The following PCDH15 variants were observed in gnomAD, a reference collection of about 807,000 sequenced individuals.
PCDH15 encodes the protein protocadherin related 15, also known as protocadherin-15.
A neutral mutation model predicts 178.5 loss-of-function variants in PCDH15; 129 were observed. The ratio of observed to expected loss-of-function variants is 0.72; its 90% CI spans 0.63 to 0.84. The LOEUF is 0.84. Among genes scored for constraint, PCDH15 ranks in the 40% least tolerant of loss-of-function variants. PCDH15 has a pLI of 0.00. For missense variants in PCDH15, 2,230 were observed against 2,099.9 expected (o/e 1.06, Z -1.21); for synonymous variants, 800 against 732.0 (o/e 1.09, Z -1.50).
intron 2 of PCDH15, among the ~76,000 whole-genome samples, chr10:55,529,743 A>G (rs1474040751): frequency 9.6e-5 from 10 of 103,680 alleles, no homozygotes; most frequent in Admixed American, 6.9e-4. Context: ...GTCTGTGAGT[A>G]TATATATATA....
chr10:54,934,965 A>C (rs959200697), intron 2 of PCDH15, among the ~76,000 whole-genome samples: 3 of 152,060 alleles, frequency 2.0e-5, no homozygotes, highest in Non-Finnish European at 4.4e-5. Flanking sequence ...AATTCTCAGT[A>C]AACTATCGCA....
chr10:53,976,949 C>T (rs530075047), intron 21 of PCDH15, among the ~76,000 whole-genome samples: 14 of 151,414 alleles, frequency 9.2e-5, no homozygotes, highest in Admixed American at 2.0e-4. Flanking sequence ...ATCTGGGCAA[C>T]GAGATACAAG....
At chr10:54,696,127 C>G (rs975199346) in intron 1 of PCDH15, among the ~76,000 whole-genome samples, 1 of 151,982 alleles carries the variant, frequency 6.6e-6, no homozygotes, top group Non-Finnish European at 1.5e-5. Context: ...TGAAGACCTT[C>G]CATTCTAGAT....
intron 2 of PCDH15, among the ~76,000 whole-genome samples, chr10:55,508,706 T>C (rs1013067691): frequency 1.3e-5 from 2 of 151,772 alleles, no homozygotes; most frequent in Admixed American, 1.3e-4. Flanking sequence ...ATTCAAAAGT[T>C]ATTTATATTG....
intron 2 of PCDH15, among the ~76,000 whole-genome samples, chr10:55,344,246 T>C (rs542299087): frequency 1.3e-5 from 2 of 152,116 alleles, no homozygotes; most frequent in South Asian, 2.1e-4. Flanking sequence ...TTGTAAATCA[T>C]TGTGATTATC....
At chr10:55,444,940 G>T (rs1209698444) in intron 2 of PCDH15, among the ~76,000 whole-genome samples, 1 of 152,048 alleles carries the variant, frequency 6.6e-6, no homozygotes, top group Non-Finnish European at 1.5e-5. Context: ...TAGGAACTAA[G>T]CTGAAGATGA....
chr10:55,358,075 C>G (rs1438793618), intron 2 of PCDH15, among the ~76,000 whole-genome samples: 1 of 151,986 alleles, frequency 6.6e-6, no homozygotes, highest in Non-Finnish European at 1.5e-5. Context: ...GGGTGAAGAG[C>G]TCTCAAATCC....
intron 2 of PCDH15, chr10:54,600,277 G>A (rs574964011): frequency 2.8e-5 from 15 of 545,042 alleles, no homozygotes; most frequent in South Asian, 2.4e-4. Context: ...GGAGGAAATG[G>A]GGAATGAGAA....
chr10:54,344,970 A>ATATATAT (rs1943000536), intron 6 of PCDH15, among the ~76,000 whole-genome samples: 1 of 144,566 alleles, frequency 6.9e-6, no homozygotes, highest in Non-Finnish European at 1.5e-5. Context: ...TAAAATGTAT[A>ATATATAT]TATATATATT....
intron 2 of PCDH15, among the ~76,000 whole-genome samples, chr10:55,041,046 T>C (rs1840852663): frequency 6.6e-6 from 1 of 152,126 alleles, no homozygotes; most frequent in African/African-American, 2.4e-5. Flanking sequence ...TAAACCTACA[T>C]TTAAATATTA....
intron 3 of PCDH15, among the ~76,000 whole-genome samples, chr10:54,486,935 C>T (rs1350115096): frequency 6.6e-6 from 1 of 151,868 alleles, no homozygotes; most frequent in Non-Finnish European, 1.5e-5. Context: ...TAATGTTGAT[C>T]TGGGAGGAAG....
chr10:54,885,577 G>A (rs183560318), intron 3 of PCDH15, among the ~76,000 whole-genome samples: 12 of 152,004 alleles, frequency 7.9e-5, no homozygotes, highest in Admixed American at 3.3e-4. Context: ...ACTTCATAGC[G>A]GTATAGAACA....
rs2132353569 is a variant in PCDH15 at position 53,807,006 on chromosome 10, A to ATATT, written c.4792_4795dup (p.Ile1599LysfsTer39). The ATATT allele has an allele frequency of 6.2e-7, 1 of 1,613,718 alleles. No homozygotes were observed. Among genetic ancestry groups the ATATT allele is most frequent in the East Asian group, 2.2e-5 (1 of 44,864 alleles). On this transcript the variant is annotated frameshift_variant, in exon 38 of 38. Coordinates refer to ENST00000644397, the MANE Select transcript of PCDH15 (RefSeq NM_001384140.1). LOFTEE classifies it high-confidence loss of function. ...CTGTGCAATATATATATTGCCGTTG[A>ATATT]TATTACTGTGGATACTAGGATGGTG...
intron 2 of PCDH15, among the ~76,000 whole-genome samples, chr10:55,345,230 C>A (rs1427445947): frequency 1.3e-5 from 2 of 149,084 alleles, no homozygotes; most frequent in Admixed American, 1.4e-4. Context: ...GTCTTTTAAT[C>A]AACATTTTCA....
At chr10:53,971,487 G>A (rs575762999) in intron 21 of PCDH15, among the ~76,000 whole-genome samples, 1 of 152,274 alleles carries the variant, frequency 6.6e-6, no homozygotes, top group South Asian at 2.1e-4. Flanking sequence ...AGGAAAAGAA[G>A]AAGTCAAATT....
chr10:54,504,268 C>T (rs1269228996), intron 3 of PCDH15, among the ~76,000 whole-genome samples: 1 of 151,958 alleles, frequency 6.6e-6, no homozygotes, highest in Non-Finnish European at 1.5e-5. Flanking sequence ...CCCTAAACAC[C>T]CTGCTATTTT....
At chr10:54,680,066 T>C (rs2094870663) in intron 1 of PCDH15, among the ~76,000 whole-genome samples, 1 of 152,218 alleles carries the variant, frequency 6.6e-6, no homozygotes, top group African/African-American at 2.4e-5. Flanking sequence ...ATCTATTAGC[T>C]TCTTTACAGA....
chr10:54,971,234 G>T (rs1255255665), intron 2 of PCDH15, among the ~76,000 whole-genome samples: 3 of 152,122 alleles, frequency 2.0e-5, no homozygotes, highest in Non-Finnish European at 4.4e-5. Flanking sequence ...GTTTTAAGAG[G>T]TGGGGCCTTG....
intron 1 of PCDH15, among the ~76,000 whole-genome samples, chr10:55,288,701 C>T (rs543453991): frequency 6.6e-6 from 1 of 152,052 alleles, no homozygotes; most frequent in Admixed American, 6.6e-5. Context: ...TTACAAATTG[C>T]AGGATCTCCT....
Sources: allele counts gnomAD v4.1 joint callset (sites outside exome capture counted in the v4.1 genomes callset), GRCh38; gene constraint gnomAD v4.1.1; transcripts MANE v1.5; gene names NCBI Gene and HGNC (gene_info 2026-07-23, HGNC 2026-07-21).